Variants in PARP14 observed in about 807,000 individuals in gnomAD.
The protein encoded by PARP14 is protein mono-ADP-ribosyltransferase PARP14.
PARP14 carries 59 observed loss-of-function variants against 154.2 expected under a neutral mutation model. That is an observed-to-expected ratio of 0.38 (90% CI 0.31 to 0.48). PARP14 has a LOEUF of 0.48. Ranked by LOEUF, PARP14 falls within the 20% of genes least tolerant of loss-of-function variation. PARP14 has a pLI of 0.98. For synonymous variants in PARP14, 720 were observed against 780.5 expected, an observed-to-expected ratio of 0.92 and a Z score of 1.29; for missense variants, 1,734 against 2,131.6, an observed-to-expected ratio of 0.81 and a Z score of 3.67.
chr3:122,685,623 C>A (rs1009307699), intron 2 of PARP14, among the ~76,000 whole-genome samples: 3 of 151,808 alleles, frequency 2.0e-5, no homozygotes, highest in Admixed American at 2.0e-4. Context: ...GATTCTTCTG[C>A]CTTAGCCTCC....
At chr3:122,714,612 G>C (rs1483327751) in intron 12 of PARP14, among the ~76,000 whole-genome samples, 183 bp downstream of exon 12, 2 of 152,134 alleles carry the variant, frequency 1.3e-5, no homozygotes, top group African/African-American at 4.8e-5. Flanking sequence ...TGGATTGTTT[G>C]AGTAAAAGAG....
intron 7 of PARP14, 125 bp from the exon 8 acceptor site, chr3:122,704,402 G>T: frequency 1.6e-6 from 1 of 611,582 alleles, no homozygotes; most frequent in Non-Finnish European, 2.9e-6. Context: ...TCTTCTGATT[G>T]CCCTTAATCA....
Position 122,699,569 on chromosome 3 carries a change from C to A in PARP14, c.1015C>A (p.His339Asn). 6.2e-7 allele frequency: 1 copy of A among 1,613,994 alleles called. No individual in the cohort carries two copies. Among genetic ancestry groups the A allele is most frequent in the Non-Finnish European group, 8.5e-7 (1 of 1,179,884 alleles). ...ATGGAAGTTCTTACAGAAAAAGAAT[C>A]ACCTCATTGAGGAGATAAACGATGA... ...PLWKFLQKKN[H>N]LIEEINDEMR... The change falls in exon 6 of 17, where the codon CAC becomes AAC. Residue 339 changes from histidine (H) to asparagine (N), a missense_variant. Coordinates refer to ENST00000474629, the MANE Select transcript of PARP14 (RefSeq NM_017554.3).
In PARP14 at chr3:122,720,376, C is replaced by T. The variant is rs1466302552; in HGVS notation, c.4929C>T (p.Phe1643=). ...ASKFNQTCSH[F]RIEKIERIQN... ...AGTTTAATCAGACCTGCTCACACTTCAGAATAGAGAAGGTAAGCCTTCTGC... is the reference window on the plus strand; with the variant it reads ...AGTTTAATCAGACCTGCTCACACTTTAGAATAGAGAAGGTAAGCCTTCTGC... The change falls in exon 15 of 17, where the codon TTC becomes TTT. Residue 1643 remains phenylalanine (F), a synonymous_variant. Coordinates refer to ENST00000474629, the MANE Select transcript of PARP14 (RefSeq NM_017554.3). 1.2e-6 allele frequency: 2 copies of T among 1,613,020 alleles called. No individual in the cohort carries two copies. Among genetic ancestry groups the T allele is most frequent in the Non-Finnish European group, 8.5e-7 (1 of 1,179,480 alleles).
intron 2 of PARP14, 30 bp downstream of exon 2, chr3:122,685,348 G>T: frequency 6.2e-7 from 1 of 1,604,544 alleles, no homozygotes. Flanking sequence ...GAATAAAAGG[G>T]ATTTAGGTCT....
chr3:122,696,684 G>C (rs1474089492), intron 5 of PARP14, among the ~76,000 whole-genome samples: 1 of 152,098 alleles, frequency 6.6e-6, no homozygotes, highest in African/African-American at 2.4e-5. Context: ...TTAGGGCATG[G>C]GGCTGTTGGG....
intron 15 of PARP14, among the ~76,000 whole-genome samples, chr3:122,726,630 A>G (rs1933294243): frequency 6.6e-6 from 1 of 152,194 alleles, no homozygotes; most frequent in African/African-American, 2.4e-5. Flanking sequence ...TTTTTACCTT[A>G]GAATTTATCC....
intron 3 of PARP14, among the ~76,000 whole-genome samples, chr3:122,687,356 GA>G (rs1308950970): frequency 3.9e-5 from 6 of 152,362 alleles, no homozygotes; most frequent in African/African-American, 7.2e-5. Context: ...CCTTGCAATA[GA>G]GGGGAGGGCA....
chr3:122,699,606 G>C lies in PARP14; in HGVS notation c.1052G>C (p.Cys351Ser). The C allele has an allele frequency of 6.2e-7, 1 of 1,613,972 alleles. No individual in the cohort carries two copies. Among genetic ancestry groups the C allele is most frequent in the Non-Finnish European group, 8.5e-7 (1 of 1,179,848 alleles). The change falls in exon 6 of 17, where the codon TGT becomes TCT. Residue 351 changes from cysteine to serine, a missense_variant. Around this residue, in one of 2 missense-constraint regions of PARP14, gnomAD observed 1,646 missense variants for 1,976.0 expected, o/e 0.83. Coordinates refer to ENST00000474629, the MANE Select transcript of PARP14 (RefSeq NM_017554.3). ...IEEINDEMRRCHCELTWSQLS... is the reference protein window; with the variant it reads ...IEEINDEMRRSHCELTWSQLS... The stretch of plus-strand genomic sequence containing the variant: ...GAGATAAACGATGAAATGAGGCGTT[G>C]TCACTGTGAGCTCACGTGGTCCCAA...
At chr3:122,707,216 C>G (rs1448210377) in intron 8 of PARP14, among the ~76,000 whole-genome samples, 2 of 152,104 alleles carry the variant, frequency 1.3e-5, no homozygotes, top group Non-Finnish European at 2.9e-5. Context: ...GTCAGGAGAA[C>G]AGCCTGGCTA....
intron 2 of PARP14, 149 bp downstream of exon 2, chr3:122,685,467 C>T: frequency 1.4e-6 from 1 of 708,680 alleles, no homozygotes; most frequent in Non-Finnish European, 2.3e-6. Flanking sequence ...GGAGTGAGGG[C>T]AGTGGTAGGG....
At chr3:122,692,808 A>G (rs1055269484) in intron 4 of PARP14, among the ~76,000 whole-genome samples, 1 of 152,132 alleles carries the variant, frequency 6.6e-6, no homozygotes, top group Admixed American at 6.5e-5. Flanking sequence ...ACAGGCAGAG[A>G]GGGTAAGAAA....
At chr3:122,688,976 G>A (rs1938460024) in intron 3 of PARP14, among the ~76,000 whole-genome samples, 2 of 152,166 alleles carry the variant, frequency 1.3e-5, no homozygotes, top group Admixed American at 6.5e-5. Context: ...AAGCTTAGTT[G>A]GGCTGGGTCT....
chr3:122,716,906 T>C (rs112225437), intron 12 of PARP14, among the ~76,000 whole-genome samples: 5,039 of 152,288 alleles, frequency 0.033, 112 homozygotes, highest in Middle Eastern at 0.088. Context: ...CATCCCCGCA[T>C]ATCACATCAT....
chr3:122,701,568 A>G lies in PARP14; in HGVS notation c.3014A>G (p.Lys1005Arg). 1 of 1,609,370 alleles carries G rather than the reference A, an allele frequency of 6.2e-7. No individual in the cohort carries two copies. The highest frequency in any genetic ancestry group is 8.5e-7 in the Non-Finnish European group (1 of 1,177,522). ...AAGPGKTSWE[K>R]GSLVSPGGLQ... ...GGGCCTGGGAAAACATCATGGGAAA[A>G]AGGAAGCCTGGTGTCCCCGGGAGGC... The change falls in exon 6 of 17, where the codon AAA becomes AGA. Residue 1005 changes from lysine to arginine, a missense_variant. By Grantham distance (26) the Lys-to-Arg change is conservative. This residue lies in a region of PARP14 where 1,646 missense variants were observed against 1,976.0 expected (regional missense o/e 0.83). Transcript: ENST00000474629. This position sits in a 1 kb window ranked among gnomAD's most constrained non-coding sequence, Gnocchi z 4.0.
chr3:122,699,281 G>A (rs1938873350), intron 5 of PARP14, 109 bp from the exon 6 acceptor site: 2 of 600,858 alleles, frequency 3.3e-6, no homozygotes, highest in Non-Finnish European at 5.6e-6. Context: ...TCCTTTAAGT[G>A]TTAGAAAAAC....
intron 14 of PARP14, 72 bp downstream of exon 14, chr3:122,719,030 C>T (rs1933081295): frequency 5.9e-6 from 8 of 1,347,292 alleles, no homozygotes; most frequent in Non-Finnish European, 7.8e-6. Context: ...TTGGTACGTA[C>T]ATCAGAATTT....
Position 122,728,670 on chromosome 3 carries a change from T to C in PARP14, c.*73T>C. On this transcript the variant is annotated 3_prime_UTR_variant, in exon 17 of 17. Transcript: ENST00000474629. ...AGTTGTAAAACAAGTTTTAGCTTTT[T>C]TTTTTAATTCCTCTTAACAGATTTT... 1 of 1,214,404 alleles carries C rather than the reference T, an allele frequency of 8.2e-7. No homozygotes were observed. Among genetic ancestry groups the C allele is most frequent in the African/African-American group, 1.5e-5 (1 of 65,940 alleles). The allele number at this position is 1,214,404 out of a possible 1,614,324, so 75.2% of individuals were successfully genotyped here.
chr3:122,685,542 C>T (rs1450447549), intron 2 of PARP14, among the ~76,000 whole-genome samples: 2 of 148,440 alleles, frequency 1.3e-5, no homozygotes, highest in African/African-American at 5.0e-5. Context: ...CGGAGTCTCG[C>T]TCTGTCAACC....
Sources: allele counts gnomAD v4.1 joint callset (sites outside exome capture counted in the v4.1 genomes callset), GRCh38; gene constraint gnomAD v4.1.1; regional missense constraint gnomAD v4.1.1; non-coding constraint Gnocchi (gnomAD v3.1); transcripts MANE v1.5; gene names NCBI Gene and HGNC (gene_info 2026-07-23, HGNC 2026-07-21).